Variants in SLIT2 observed in about 807,000 individuals in gnomAD.
SLIT2 encodes slit homolog 2 protein.
Under a neutral mutation model 185.7 loss-of-function variants are expected in SLIT2, and 41 were observed. That is an observed-to-expected ratio of 0.22 (90% confidence interval 0.17 to 0.29). The LOEUF is 0.29. Among genes scored for constraint, SLIT2 ranks in the 10% least tolerant of loss-of-function variants. SLIT2 has a pLI of 1.00. For synonymous variants in SLIT2, 693 were observed against 680.2 expected, an observed-to-expected ratio of 1.02 and a Z score of -0.29; for missense variants, 1,571 against 1,909.0, an observed-to-expected ratio of 0.82 and a Z score of 3.30.
intron 29 of SLIT2, among the ~76,000 whole-genome samples, chr4:20,571,389 A>T (rs951221554): frequency 6.6e-6 from 1 of 152,176 alleles, no homozygotes; most frequent in Non-Finnish European, 1.5e-5. Context: ...GAGTTTGACA[A>T]TTTGGCATGA....
chr4:20,563,302 C>T (rs911003478), intron 26 of SLIT2, among the ~76,000 whole-genome samples: 4 of 151,746 alleles, frequency 2.6e-5, no homozygotes, highest in Admixed American at 6.6e-5. Context: ...CCTGAAGCTA[C>T]GTTTCCTTTC....
chr4:20,518,557 G>GTGTGTGTATATA (rs1271279922), intron 11 of SLIT2, among the ~76,000 whole-genome samples: 2 of 17,862 alleles, frequency 1.1e-4, no homozygotes, highest in Non-Finnish European at 1.9e-4. Context: ...CAGCCTATAT[G>GTGTGTGTATATA]TATATATATA....
chr4:20,525,071 C>A, intron 14 of SLIT2, 78 bp from the exon 15 acceptor site: 1 of 1,066,532 alleles, frequency 9.4e-7, no homozygotes, highest in South Asian at 1.3e-5. Flanking sequence ...TTAGTCCATT[C>A]TTAATCTAAT....
At chr4:20,292,501 A>G (rs1358842887) in intron 4 of SLIT2, among the ~76,000 whole-genome samples, 1 of 152,164 alleles carries the variant, frequency 6.6e-6, no homozygotes, top group Non-Finnish European at 1.5e-5. Flanking sequence ...AAAGAAGAAG[A>G]AGGAGAAGGA....
Position 20,486,111 on chromosome 4 carries a change from T to C in SLIT2, c.540-89T>C, listed in dbSNP as rs180690385. 3.2e-4 allele frequency: 251 copies of C among 776,716 alleles called. 1 individual carries two copies. The highest frequency in any genetic ancestry group is 7.0e-4 in the Admixed American group (35 of 50,020). The allele number at this position is 776,716 out of a possible 1,614,324, so 48.1% of individuals were successfully genotyped here. ...ACCAGGTAGCTGTCCTGCATAAGCA[T>C]AGTACAAGACGTTTTCTCTATGTTA... On this transcript the variant is annotated intron_variant, in intron 6 of 36. Coordinates refer to ENST00000504154, the MANE Select transcript of SLIT2 (RefSeq NM_004787.4).
At chr4:20,493,269 TG>T (rs952454211) in intron 9 of SLIT2, among the ~76,000 whole-genome samples, 1 of 152,178 alleles carries the variant, frequency 6.6e-6, no homozygotes, top group Non-Finnish European at 1.5e-5. Context: ...CATCTCCATT[TG>T]ATTTTAAAAC....
chr4:20,548,681 G>T, intron 23 of SLIT2, 122 bp downstream of exon 23: 1 of 669,620 alleles, frequency 1.5e-6, no homozygotes. Context: ...TCTATTGGGA[G>T]AAACAGACAA....
At chr4:20,471,797 C>A (rs1715053612) in intron 5 of SLIT2, among the ~76,000 whole-genome samples, 1 of 152,162 alleles carries the variant, frequency 6.6e-6, no homozygotes, top group African/African-American at 2.4e-5. Flanking sequence ...CATTCCCCTT[C>A]CTCCAGGCAA....
At chr4:20,355,638 A>G (rs912830423) in intron 4 of SLIT2, among the ~76,000 whole-genome samples, 3 of 152,164 alleles carry the variant, frequency 2.0e-5, no homozygotes, top group Non-Finnish European at 4.4e-5. Context: ...CTTTGATTTA[A>G]TACCAAACTA....
chr4:20,547,821 C>T (rs899240876), intron 22 of SLIT2, among the ~76,000 whole-genome samples: 9 of 151,652 alleles, frequency 5.9e-5, no homozygotes, highest in Non-Finnish European at 1.3e-4. Flanking sequence ...ACAAACTATA[C>T]ATATAAGTAG....
intron 16 of SLIT2, among the ~76,000 whole-genome samples, chr4:20,529,816 C>T (rs1721623880): frequency 1.3e-5 from 2 of 152,098 alleles, no homozygotes. Context: ...CTAGCAAAAC[C>T]TCATCATTCT....
chr4:20,319,808 AAAC>A (rs202021153), intron 4 of SLIT2, among the ~76,000 whole-genome samples: 20 of 106,924 alleles, frequency 1.9e-4, no homozygotes, highest in East Asian at 7.3e-4. Context: ...CTAAAAAACA[AAAC>A]AAAAAAAAAA....
rs77236761 is a variant in SLIT2, at chr4:20,426,412, A to G, written c.396-41340A>G. Among the ~76,000 whole-genome samples, 724 of 152,268 alleles carry G rather than the reference A, an allele frequency of 4.8e-3. 7 individuals are homozygous for G. The highest frequency in any genetic ancestry group is 0.017 in the African/African-American group (688 of 41,552). The stretch of plus-strand genomic sequence containing the variant: ...AGAAAATAGGGAGTTTTGTATAAGA[A>G]AAGGTGGTAGGGGAAAAACAGTTTT... On this transcript the variant is annotated intron_variant, in intron 4 of 36. Transcript: ENST00000504154.
chr4:20,454,703 T>G (rs1388669960), intron 4 of SLIT2, among the ~76,000 whole-genome samples: 4 of 152,198 alleles, frequency 2.6e-5, no homozygotes, highest in African/African-American at 7.2e-5. Flanking sequence ...GTTTAGACAC[T>G]TTCACATAAA....
intron 4 of SLIT2, among the ~76,000 whole-genome samples, chr4:20,367,577 A>G (rs1487397407): frequency 6.6e-6 from 1 of 152,178 alleles, no homozygotes; most frequent in East Asian, 1.9e-4. Context: ...TACAATGTTT[A>G]TATTTGGACA....
intron 4 of SLIT2, among the ~76,000 whole-genome samples, chr4:20,299,152 T>C (rs750255550): frequency 3.9e-5 from 6 of 152,232 alleles, no homozygotes; most frequent in Non-Finnish European, 7.3e-5. Context: ...TGTATGATTT[T>C]CTTTGCTCTT....
Position 20,253,596 on chromosome 4 carries a change from G to A in SLIT2, c.-220G>A, listed in dbSNP as rs1337281683. ...ATCCTCAGGACCTAAAGTTGCCCAA[G>A]GAGCTCCTGCTCTGCCAGAGGAGGG... On this transcript the variant is annotated 5_prime_UTR_variant, in exon 1 of 37. Transcript: ENST00000504154. 2 of 595,424 alleles carry A rather than the reference G, an allele frequency of 3.4e-6. No homozygotes were observed. Among genetic ancestry groups the A allele is most frequent in the Non-Finnish European group, 5.9e-6 (2 of 336,760 alleles). 36.9% of individuals were successfully genotyped at this position (595,424 alleles called of 1,614,324 possible). A position where few individuals can be genotyped will look rare whatever the true frequency, so the allele number is the denominator to read the frequency against.
intron 29 of SLIT2, chr4:20,573,160 A>G (rs1424969268): frequency 2.8e-6 from 2 of 702,406 alleles, no homozygotes; most frequent in Non-Finnish European, 2.6e-6. Flanking sequence ...AACGCTGCGC[A>G]TTGGCTTCCT....
intron 1 of SLIT2, among the ~76,000 whole-genome samples, chr4:20,256,033 C>G (rs1247975223): frequency 6.6e-6 from 1 of 152,152 alleles, no homozygotes; most frequent in Non-Finnish European, 1.5e-5. Flanking sequence ...ATACTATTTC[C>G]ATTCTTGCCC....
Sources: gnomAD v4.1 joint callset for allele counts (sites outside exome capture counted in the v4.1 genomes callset) on GRCh38, gnomAD v4.1.1 for gene constraint, MANE v1.5 for transcripts, NCBI Gene and HGNC (gene_info 2026-07-23, HGNC 2026-07-21) for gene names.